JAKMIP1: variants seen among roughly 807,000 people sequenced by gnomAD.
The protein encoded by JAKMIP1 is janus kinase and microtubule interacting protein 1, also known as janus kinase and microtubule-interacting protein 1.
In JAKMIP1, 33 loss-of-function variants were observed where a neutral mutation model predicts 113.0. The ratio of observed to expected loss-of-function variants is 0.29; its 90% CI spans 0.22 to 0.39. The LOEUF (loss-of-function observed/expected upper bound fraction) is 0.39. Ranked by LOEUF, JAKMIP1 falls within the 10% of genes least tolerant of loss-of-function variation. JAKMIP1 has a pLI of 1.00. For synonymous variants in JAKMIP1, 480 were observed against 459.9 expected (o/e 1.04, Z -0.56); for missense variants, 813 against 1,080.5 (o/e 0.75, Z 3.47).
Position 6,116,209 on chromosome 4 carries a change from C to T in JAKMIP1, c.-147-3212G>A, listed in dbSNP as rs112017109. Among the ~76,000 whole-genome samples, 1,274 of 152,200 alleles carry T rather than the reference C, an allele frequency of 8.4e-3. 18 individuals are homozygous for T. Among genetic ancestry groups the T allele is most frequent in the African/African-American group, 0.029 (1,200 of 41,520 alleles). On this transcript the variant is annotated intron_variant, in intron 1 of 20. Coordinates refer to ENST00000409021, the MANE Select transcript of JAKMIP1 (RefSeq NM_001099433.2). This position sits in a 1 kb window ranked among gnomAD's most constrained non-coding sequence, Gnocchi z 5.1. ...ATGGACACACTGTTGATAGTCCCGA[C>T]GCTCACAGCACCACACAGCATCACT...
chr4:6,098,607 AAAAG>A (rs1267793345), intron 3 of JAKMIP1, among the ~76,000 whole-genome samples: 2 of 147,362 alleles, frequency 1.4e-5, no homozygotes, highest in East Asian at 3.9e-4. Flanking sequence ...AGAAAGGAAG[AAAAG>A]AAAGAAAAAG....
chr4:6,117,758 G>T (rs1419328446), intron 1 of JAKMIP1, among the ~76,000 whole-genome samples: 2 of 152,080 alleles, frequency 1.3e-5, no homozygotes, highest in African/African-American at 4.8e-5. Context: ...ACCCCTAGGT[G>T]CGCATTCTCT....
At position 6,108,714 on chromosome 4, in the gene JAKMIP1, T is replaced by A. The variant is rs372478080; in HGVS notation, c.130-2747A>T. ...CCAGTTCACTACTCTGAAACCATCA[T>A]ACATGTATAGTGTTGAACAAAGAAA... On this transcript the variant is annotated intron_variant, in intron 2 of 20. Coordinates refer to ENST00000409021, the MANE Select transcript of JAKMIP1 (RefSeq NM_001099433.2). The surrounding 1 kb of genome is among the most constrained non-coding windows in gnomAD (Gnocchi z 5.6). 6.6e-6 allele frequency among the ~76,000 whole-genome samples: 1 copy of A among 152,192 alleles called. No homozygotes were observed. The highest frequency in any genetic ancestry group is 2.4e-5 in the African/African-American group (1 of 41,452).
At chr4:6,037,436 G>T (rs1302588331) in intron 18 of JAKMIP1, among the ~76,000 whole-genome samples, 4 of 114,468 alleles carry the variant, frequency 3.5e-5, no homozygotes, top group Middle Eastern at 6.5e-3. Flanking sequence ...CATCACTGAG[G>T]CAGAGGTTAA....
At chr4:6,048,800 G>T in intron 16 of JAKMIP1, 57 bp downstream of exon 16, 1 of 1,444,184 alleles carries the variant, frequency 6.9e-7, no homozygotes, top group South Asian at 1.2e-5. Context: ...ACAGTTTCTT[G>T]TATGGTGCTG....
rs1420597202 is a variant in JAKMIP1, at chr4:6,061,983, C to T, written c.1560+329G>A. Among the ~76,000 whole-genome samples the T allele has an allele frequency of 7.9e-5, 12 of 152,150 alleles. No homozygotes were observed. Among genetic ancestry groups the T allele is most frequent in the East Asian group, 1.9e-4 (1 of 5,190 alleles). ...GGGGGGCTGGCAGCCCTGGAGGGAG[C>T]GGAGCCTGAAGCCTGCAAGCCAGCC... is the stretch of plus-strand genomic sequence containing the variant. On this transcript the variant is annotated intron_variant, in intron 10 of 20. Transcript: ENST00000409021. This position sits in a 1 kb window ranked among gnomAD's most constrained non-coding sequence, Gnocchi z 5.3.
intron 8 of JAKMIP1, among the ~76,000 whole-genome samples, chr4:6,066,556 C>T (rs1031591518): frequency 2.6e-5 from 4 of 152,102 alleles, no homozygotes; most frequent in Non-Finnish European, 5.9e-5. Context: ...GTGACTTACC[C>T]CCAACACCGC....
At chr4:6,115,831 G>GGCTGCTCAGCCGC (rs1715666805) in intron 1 of JAKMIP1, among the ~76,000 whole-genome samples, 1 of 152,220 alleles carries the variant, frequency 6.6e-6, no homozygotes, top group Admixed American at 6.5e-5. Context: ...CGGCCTCGCA[G>GGCTGCTCAGCCGC]GCAGGATGGG....
At chr4:6,095,227 AAAG>A (rs886226170) in intron 3 of JAKMIP1, among the ~76,000 whole-genome samples, 2 of 149,336 alleles carry the variant, frequency 1.3e-5, no homozygotes, top group African/African-American at 4.9e-5. Context: ...GAAGGAAAGA[AAAG>A]AAAGGAAAGG....
At chr4:6,075,477 C>G (rs1343309967) in intron 8 of JAKMIP1, among the ~76,000 whole-genome samples, 2 of 152,154 alleles carry the variant, frequency 1.3e-5, no homozygotes. Context: ...TTGGTCCACA[C>G]GGAAGTCTAC....
At chr4:6,175,718 C>T (rs1014765486) in intron 1 of JAKMIP1, among the ~76,000 whole-genome samples, 9 of 152,248 alleles carry the variant, frequency 5.9e-5, no homozygotes, top group Non-Finnish European at 7.3e-5. Flanking sequence ...GTGCCTGGGG[C>T]ATGCCTGCCA....
At chr4:6,148,028 C>G (rs114282352) in intron 1 of JAKMIP1, among the ~76,000 whole-genome samples, 2 of 152,240 alleles carry the variant, frequency 1.3e-5, no homozygotes, top group Admixed American at 1.3e-4. Context: ...AGGACCGTGT[C>G]TTAGTCATCT....
intron 3 of JAKMIP1, among the ~76,000 whole-genome samples, chr4:6,098,546 AAAAG>A (rs759936324): frequency 6.0e-4 from 28 of 46,568 alleles, no homozygotes; most frequent in African/African-American, 1.3e-3. Flanking sequence ...GAGAGAAAGA[AAAAG>A]AAAGAAAGAA....
chr4:6,073,768 G>A (rs1026754719), intron 8 of JAKMIP1, among the ~76,000 whole-genome samples: 1 of 152,164 alleles, frequency 6.6e-6, no homozygotes, highest in Non-Finnish European at 1.5e-5. Flanking sequence ...TAGTAGCTAG[G>A]GTCTGACTCC....
At position 6,193,770 on chromosome 4, in the gene JAKMIP1, A is replaced by C. The variant is rs961611751; in HGVS notation, c.-148+6483T>G. Reference sequence around the variant, plus strand: ...TCATGGGAGGCTGAACTGATGCATTAGTGAGCAGGGGAGGAGAGGGTGGAA... The same window carrying C: ...TCATGGGAGGCTGAACTGATGCATTCGTGAGCAGGGGAGGAGAGGGTGGAA... On this transcript the variant is annotated intron_variant, in intron 1 of 20. Transcript: ENST00000409021. This position sits in a 1 kb window ranked among gnomAD's most constrained non-coding sequence, Gnocchi z 6.4. Among the ~76,000 whole-genome samples, 1 of 152,166 alleles carries C rather than the reference A, an allele frequency of 6.6e-6. No homozygotes were observed. The highest frequency in any genetic ancestry group is 2.4e-5 in the African/African-American group (1 of 41,454).
intron 1 of JAKMIP1, among the ~76,000 whole-genome samples, chr4:6,114,119 A>T (rs1715377897): frequency 6.6e-6 from 1 of 152,208 alleles, no homozygotes; most frequent in African/African-American, 2.4e-5. Context: ...AAATCCACAC[A>T]GTCAGTGAGT....
In JAKMIP1 at chr4:6,042,272, A is replaced by G. The variant is rs772904367; in HGVS notation, c.2029-45T>C. On this transcript the variant is annotated intron_variant, in intron 16 of 20. Coordinates refer to ENST00000409021, the MANE Select transcript of JAKMIP1 (RefSeq NM_001099433.2). The surrounding 1 kb of genome is among the most constrained non-coding windows in gnomAD (Gnocchi z 5.2). ...GGACGGGTGCAGCAAAGTGAGAGTC[A>G]GAACCCAAGGGGCTGTGGAATTTCA... is the stretch of plus-strand genomic sequence containing the variant. 1 of 1,482,448 alleles carries G rather than the reference A, an allele frequency of 6.7e-7. No homozygotes were observed. The highest frequency in any genetic ancestry group is 1.7e-5 in the Admixed American group (1 of 59,750). The allele number at this position is 1,482,448 out of a possible 1,614,324, so 91.8% of individuals were successfully genotyped here. A position where few individuals can be genotyped will look rare whatever the true frequency, so the allele number is the denominator to read the frequency against.
rs1016655435 is a variant in JAKMIP1, at chr4:6,142,827, A to G, written c.-147-29830T>C. Among the ~76,000 whole-genome samples the G allele has an allele frequency of 6.6e-6, 1 of 152,208 alleles. No individual in the cohort carries two copies. ...TACAAATGGCATCACAGGATTTTCA[A>G]CAACTTCATTGCTTACAGGTGAGGA... On this transcript the variant is annotated intron_variant, in intron 1 of 20. Transcript: ENST00000409021. This position sits in a 1 kb window ranked among gnomAD's most constrained non-coding sequence, Gnocchi z 5.5.
intron 1 of JAKMIP1, among the ~76,000 whole-genome samples, chr4:6,114,562 T>A (rs899927659): frequency 6.6e-6 from 1 of 152,176 alleles, no homozygotes; most frequent in African/African-American, 2.4e-5. Context: ...CCCTGGGACA[T>A]CCCTCCAAGC....
Sources: allele counts gnomAD v4.1 joint callset (sites outside exome capture counted in the v4.1 genomes callset), GRCh38; gene constraint gnomAD v4.1.1; non-coding constraint Gnocchi (gnomAD v3.1); transcripts MANE v1.5; gene names NCBI Gene and HGNC (gene_info 2026-07-23, HGNC 2026-07-21).